Variants in REXO1 observed in about 807,000 individuals in gnomAD.
REXO1 encodes the protein RNA exonuclease 1 homolog, also known as REX1, RNA exonuclease 1 homolog.
In REXO1, 42 loss-of-function variants were observed where a neutral mutation model predicts 102.6. The observed-to-expected ratio is 0.41, with a 90% CI of 0.32 to 0.53. The LOEUF (loss-of-function observed/expected upper bound fraction) is 0.53. REXO1 is among the 20% of genes least tolerant of loss of function. REXO1 has a pLI of 0.27. For synonymous variants in REXO1, 908 were observed against 779.1 expected (o/e 1.17, Z -2.76); for missense variants, 1,819 against 1,732.5 (o/e 1.05, Z -0.89).
At position 1,827,111 on chromosome 19, in the gene REXO1, A is replaced by G. The variant is rs2069753268; in HGVS notation, c.1678T>C (p.Phe560Leu). 2 of 1,541,686 alleles carry G rather than the reference A, an allele frequency of 1.3e-6. No individual in the cohort carries two copies. The highest frequency in any genetic ancestry group is 1.7e-6 in the Non-Finnish European group (2 of 1,145,624). Residue 560 changes from phenylalanine to leucine, a missense_variant, in exon 2 of 16, where the codon TTC becomes CTC. By Grantham distance (22) the Phe-to-Leu change is conservative (BLOSUM62 0). Transcript: ENST00000170168. ...SDSDSDSSLG[F>L]PEAQGPPKRL... The stretch of plus-strand genomic sequence containing the variant: ...TTGGGCGGCCCCTGCGCCTCCGGGA[A>G]GCCCAGGCTGGAGTCTGAGTCGGAG...
intron 1 of REXO1, among the ~76,000 whole-genome samples, chr19:1,840,438 C>T (rs1368351351): frequency 6.6e-6 from 1 of 152,158 alleles, no homozygotes; most frequent in Non-Finnish European, 1.5e-5. Context: ...ACAGATGAGA[C>T]AGCATATCAA....
At chr19:1,828,952 C>T (rs555017411) in intron 1 of REXO1, among the ~76,000 whole-genome samples, 3 of 151,774 alleles carry the variant, frequency 2.0e-5, no homozygotes, top group Admixed American at 1.3e-4. Context: ...GGTGGACACT[C>T]GACAGGCTGG....
chr19:1,818,698 C>A lies in REXO1; in HGVS notation c.2902+8G>T, dbSNP rs113336967. ...GCCCACCTAGGCCGTCGCAGGCCAGCGACTCACAGTCCTTGGGCCTCTTCT... is the reference window on the plus strand; with the variant it reads ...GCCCACCTAGGCCGTCGCAGGCCAGAGACTCACAGTCCTTGGGCCTCTTCT... On this transcript the variant is annotated splice_region_variant and intron_variant, in intron 9 of 15. Coordinates refer to ENST00000170168, the MANE Select transcript of REXO1 (RefSeq NM_020695.4). 1 of 1,610,464 alleles carries A rather than the reference C, an allele frequency of 6.2e-7. No individual in the cohort carries two copies. Among genetic ancestry groups the A allele is most frequent in the Non-Finnish European group, 8.5e-7 (1 of 1,179,592 alleles).
intron 1 of REXO1, among the ~76,000 whole-genome samples, chr19:1,847,166 C>T (rs2011580492): frequency 6.6e-6 from 1 of 152,222 alleles, no homozygotes; most frequent in Non-Finnish European, 1.5e-5. Flanking sequence ...TTGCATCTGT[C>T]CACCTGCAAA....
rs532471947 is a variant in REXO1, at chr19:1,840,354, G to A, written c.157+7848C>T. On this transcript the variant is annotated intron_variant, in intron 1 of 15. Coordinates refer to ENST00000170168, the MANE Select transcript of REXO1 (RefSeq NM_020695.4). The stretch of plus-strand genomic sequence containing the variant: ...ACCGACTCTCCAGACATGAGTCTCT[G>A]TGGGAACAGGAAGAGACTCCAGAAA... Among the ~76,000 whole-genome samples the A allele has an allele frequency of 2.0e-3, 307 of 152,306 alleles. 2 individuals are homozygous for A. Among genetic ancestry groups the A allele is most frequent in the Non-Finnish European group, 3.2e-3 (221 of 68,024 alleles).
Position 1,815,752 on chromosome 19 carries a change from G to C in REXO1, c.*314C>G. ...GAGGTGCCGGCCACCACCCGGGAGG[G>C]AGGGCCTGGCAGGAGGGGCAGGAGG... is the stretch of plus-strand genomic sequence containing the variant. On this transcript the variant is annotated 3_prime_UTR_variant, in exon 16 of 16. Transcript: ENST00000170168. This position sits in a 1 kb window ranked among gnomAD's most constrained non-coding sequence, Gnocchi z 4.0. 7.0e-7 allele frequency: 1 copy of C among 1,424,112 alleles called. No homozygotes were observed. 88.2% of individuals were successfully genotyped at this position (1,424,112 alleles called of 1,614,324 possible). A position where few individuals can be genotyped will look rare whatever the true frequency, so the allele number is the denominator to read the frequency against.
Position 1,827,382 on chromosome 19 carries a change from G to GGCC in REXO1, c.1404_1406dup (p.Ala469dup). 1 of 1,534,504 alleles carries GGCC rather than the reference G, an allele frequency of 6.5e-7. No homozygotes were observed. On this transcript the variant is annotated inframe_insertion, in exon 2 of 16. Coordinates refer to ENST00000170168, the MANE Select transcript of REXO1 (RefSeq NM_020695.4). ...GGAGGGGGCGGGGTGGGCCTCTGCC[G>GGCC]GCCGCCGGTCGGGAGTCCCCGCTTG...
At chr19:1,816,940 T>C in intron 12 of REXO1, 127 bp from the exon 13 acceptor site, 1 of 776,128 alleles carries the variant, frequency 1.3e-6, no homozygotes, top group Non-Finnish European at 2.1e-6. Flanking sequence ...GTGGGACTTC[T>C]AGGAGAGGCC....
rs577173269 is a variant in REXO1, at chr19:1,824,720, A to G, written c.2017-935T>C. 7.2e-5 allele frequency among the ~76,000 whole-genome samples: 11 copies of G among 152,348 alleles called. No homozygotes were observed. The South Asian group carries it at 1.9e-3, about 26-fold the overall frequency. ...GGGGAAATCACTGATGCTTTACAAAAAGCGTCACAGATTTACAGGAACAAT... is the reference window on the plus strand; with the variant it reads ...GGGGAAATCACTGATGCTTTACAAAGAGCGTCACAGATTTACAGGAACAAT... On this transcript the variant is annotated intron_variant, in intron 3 of 15. Transcript: ENST00000170168.
At position 1,828,395 on chromosome 19, in the gene REXO1, G is replaced by A; in HGVS notation, c.394C>T (p.Pro132Ser). Reference sequence around the variant, plus strand: ...GGGCCCACAGTGGGGCTGGCGTTGGGGCCGCGGGGCGCCAGGGCGGGGGCC... The same window carrying A: ...GGGCCCACAGTGGGGCTGGCGTTGGAGCCGCGGGGCGCCAGGGCGGGGGCC... Reference protein sequence around the residue: ...AEAPALAPRGPNASPTVGPDE... With the variant: ...AEAPALAPRGSNASPTVGPDE... The change falls in exon 2 of 16, where the codon CCC becomes TCC. Residue 132 changes from proline (P) to serine (S), a missense_variant. Physicochemically the swap from Pro to Ser is moderately conservative, Grantham distance 74. Transcript: ENST00000170168. 6.2e-7 allele frequency: 1 copy of A among 1,607,576 alleles called. No individual in the cohort carries two copies. Among genetic ancestry groups the A allele is most frequent in the South Asian group, 1.1e-5 (1 of 90,678 alleles).
At chr19:1,819,682 C>T (rs755218694) in intron 7 of REXO1, among the ~76,000 whole-genome samples, 16 of 152,240 alleles carry the variant, frequency 1.1e-4, no homozygotes, top group Admixed American at 3.3e-4. Context: ...CATTAGCAGG[C>T]GGCCCCTCGG....
At chr19:1,840,135 G>A (rs1599169085) in intron 1 of REXO1, among the ~76,000 whole-genome samples, 2 of 152,294 alleles carry the variant, frequency 1.3e-5, no homozygotes, top group Non-Finnish European at 1.5e-5. Flanking sequence ...TGGAGTGCAC[G>A]CCAGGCCCAC....
chr19:1,830,786 C>T lies in REXO1; in HGVS notation c.158-2155G>A, dbSNP rs2069880226. 3 of 198,262 alleles carry T rather than the reference C, an allele frequency of 1.5e-5. No individual in the cohort carries two copies. In the South Asian group the frequency reaches 1.5e-4, roughly 10 times the overall value. The allele number at this position is 198,262 out of a possible 1,614,324, so 12.3% of individuals were successfully genotyped here. On this transcript the variant is annotated intron_variant, in intron 1 of 15. Coordinates refer to ENST00000170168, the MANE Select transcript of REXO1 (RefSeq NM_020695.4). ...ATCCCATGCAGCTTCAACACCACCA[C>T]CTTCAGACTCGGAATCCTCAGAACC... is the stretch of plus-strand genomic sequence containing the variant.
chr19:1,816,284 T>C lies in REXO1; in HGVS notation c.3518A>G (p.Tyr1173Cys). 3 of 1,588,920 alleles carry C rather than the reference T, an allele frequency of 1.9e-6. No homozygotes were observed. Among genetic ancestry groups the C allele is most frequent in the Non-Finnish European group, 2.6e-6 (3 of 1,168,174 alleles). The change falls in exon 15 of 16, where the codon TAC (tyrosine) becomes TGC (cysteine). Residue 1173 changes from tyrosine to cysteine, a missense_variant. Transcript: ENST00000170168. The stretch of plus-strand genomic sequence containing the variant: ...CATGAGGTTCCGCAGGGACCGCTTG[T>C]AGGGGAGGCCCAGGCGGTGGGGGAA... The part of the protein sequence containing the change: ...VLFPHRLGLP[Y>C]KRSLRNLMAD...
chr19:1,815,961 GGCCAGGTGGACGGGTT>G lies in REXO1; in HGVS notation c.*89_*104del, dbSNP rs1568676058. 1 of 1,535,366 alleles carries G rather than the reference GGCCAGGTGGACGGGTT, an allele frequency of 6.5e-7. No individual in the cohort carries two copies. Among genetic ancestry groups the G allele is most frequent in the African/African-American group, 1.4e-5 (1 of 73,024 alleles). On this transcript the variant is annotated 3_prime_UTR_variant, in exon 16 of 16. Coordinates refer to ENST00000170168, the MANE Select transcript of REXO1 (RefSeq NM_020695.4). This position sits in a 1 kb window ranked among gnomAD's most constrained non-coding sequence, Gnocchi z 4.0. ...TCATCCCGCTGCTCTGGGCTGCCTC[GGCCAGGTGGACGGGTT>G]ACCGGAGATTTATTGCACTGTTTTG...
At chr19:1,845,178 G>C (rs751592618) in intron 1 of REXO1, among the ~76,000 whole-genome samples, 2 of 152,206 alleles carry the variant, frequency 1.3e-5, no homozygotes, top group Non-Finnish European at 2.9e-5. Flanking sequence ...CCAGGCTGCA[G>C]CCAAGGCCCA....
intron 1 of REXO1, chr19:1,834,915 T>A (rs2069998100): frequency 2.5e-6 from 1 of 398,514 alleles, no homozygotes; most frequent in Non-Finnish European, 5.2e-6. Flanking sequence ...CTCTCCTCCC[T>A]GTGGTCACTG....
rs2069394981 is a variant in REXO1, at chr19:1,817,232, A to G, written c.3188T>C (p.Leu1063Pro). The change falls in exon 12 of 16, where the codon CTG becomes CCG. Residue 1063 changes from leucine (L) to proline (P), a missense_variant. Leu to Pro is a moderately conservative substitution (Grantham distance 98). Transcript: ENST00000170168. ...GAACAGCCTCACCATCTCGCAGTCC[A>G]GGGCGTAGATCCCCGGGTGGGTGTC... is the stretch of plus-strand genomic sequence containing the variant. ...SGDTHPGIYALDCEMSYTTYG... is the reference protein window; with the variant it reads ...SGDTHPGIYAPDCEMSYTTYG... 6.2e-7 allele frequency: 1 copy of G among 1,612,704 alleles called. No homozygotes were observed. Among genetic ancestry groups the G allele is most frequent in the Non-Finnish European group, 8.5e-7 (1 of 1,179,994 alleles).
intron 1 of REXO1, among the ~76,000 whole-genome samples, chr19:1,845,492 C>T (rs770612584): frequency 2.6e-5 from 4 of 152,136 alleles, no homozygotes; most frequent in South Asian, 2.1e-4. Flanking sequence ...AGTGAGACCC[C>T]GTCTCGGCAA....
Sources: gnomAD v4.1 joint callset for allele counts (sites outside exome capture counted in the v4.1 genomes callset) on GRCh38, gnomAD v4.1.1 for gene constraint, Gnocchi (gnomAD v3.1) non-coding constraint, MANE v1.5 for transcripts, NCBI Gene and HGNC (gene_info 2026-07-23, HGNC 2026-07-21) for gene names.